TAFA2: variants seen among roughly 807,000 people sequenced by gnomAD.
TAFA2 encodes chemokine-like protein TAFA-2.
A neutral mutation model predicts 18.8 loss-of-function variants in TAFA2; 7 were observed. That is an observed-to-expected ratio of 0.37 (90% confidence interval 0.21 to 0.70). The LOEUF is 0.70. Among genes scored for constraint, TAFA2 ranks in the 30% least tolerant of loss-of-function variants. The pLI is 0.53. For missense variants in TAFA2, 122 were observed against 158.1 expected (o/e 0.77, Z 1.23); for synonymous variants, 60 against 54.2 (o/e 1.11, Z -0.47).
chr12:61,906,676 G>T (rs1169087078), intron 1 of TAFA2, among the ~76,000 whole-genome samples: 2 of 152,204 alleles, frequency 1.3e-5, no homozygotes, highest in Non-Finnish European at 2.9e-5. Context: ...AGGCCCAGAA[G>T]CCAGGAAGAT....
intron 1 of TAFA2, among the ~76,000 whole-genome samples, chr12:61,899,942 C>A (rs887111576): frequency 6.6e-6 from 1 of 152,150 alleles, no homozygotes; most frequent in South Asian, 2.1e-4. Context: ...ATAGCAGACA[C>A]CTGAGCATCT....
intron 2 of TAFA2, among the ~76,000 whole-genome samples, chr12:61,836,732 G>GATATATATGTGTATATATATATAT (rs58543429): frequency 8.9e-6 from 1 of 112,788 alleles, no homozygotes; most frequent in Admixed American, 9.8e-5. Flanking sequence ...TTGCCAATTT[G>GATATATATGTGTATATATATATAT]ATATATATAT....
chr12:61,950,853 A>C (rs974318255), intron 1 of TAFA2, among the ~76,000 whole-genome samples: 1 of 152,138 alleles, frequency 6.6e-6, no homozygotes, highest in African/African-American at 2.4e-5. Context: ...AAAAGCAAAA[A>C]ATAAATAAAT....
At chr12:61,898,182 C>A (rs1254157867) in intron 1 of TAFA2, among the ~76,000 whole-genome samples, 1 of 152,226 alleles carries the variant, frequency 6.6e-6, no homozygotes, top group Non-Finnish European at 1.5e-5. Context: ...TTGCAGGGTA[C>A]AGCCCCACCC....
rs141185790 is a variant in TAFA2 at position 61,843,900 on chromosome 12, G to A, written c.106+23420C>T. On this transcript the variant is annotated intron_variant, in intron 2 of 4. Transcript: ENST00000416284. ...AAAGGGGAGTCATGCATTTATTAGG[G>A]CTTAGAGCACATAGCTTCCAAGTGT... is the stretch of plus-strand genomic sequence containing the variant. Among the ~76,000 whole-genome samples, 433 of 152,220 alleles carry A rather than the reference G, an allele frequency of 2.8e-3. 1 individual carries two copies. Among genetic ancestry groups the A allele is most frequent in the Non-Finnish European group, 3.1e-3 (210 of 67,994 alleles).
At chr12:61,836,756 T>TATATATATATATATATATACACACAC (rs68158949) in intron 2 of TAFA2, among the ~76,000 whole-genome samples, 10 of 119,846 alleles carry the variant, frequency 8.3e-5, no homozygotes, top group African/African-American at 2.5e-4. Flanking sequence ...TATATATATA[T>TATATATATATATATATATACACACAC]ACACACACAC....
intron 1 of TAFA2, among the ~76,000 whole-genome samples, chr12:62,035,794 T>G (rs1383267467): frequency 3.1e-5 from 4 of 130,056 alleles, no homozygotes; most frequent in Non-Finnish European, 4.6e-5. Flanking sequence ...CAGGCTGGAG[T>G]GCAGTGGCGC....
At chr12:61,835,110 T>C (rs1053460407) in intron 2 of TAFA2, among the ~76,000 whole-genome samples, 1 of 152,002 alleles carries the variant, frequency 6.6e-6, no homozygotes, top group African/African-American at 2.4e-5. Flanking sequence ...AACATTTCGA[T>C]TTTAAACTTT....
intron 1 of TAFA2, among the ~76,000 whole-genome samples, chr12:61,907,279 C>T (rs183188456): frequency 6.6e-6 from 1 of 152,170 alleles, no homozygotes; most frequent in Admixed American, 6.5e-5. Context: ...GTGGGCTGGG[C>T]CCAGTGCCCT....
chr12:62,111,473 G>A (rs117619854), intron 1 of TAFA2, among the ~76,000 whole-genome samples: 5,132 of 152,212 alleles, frequency 0.034, 149 homozygotes, highest in Non-Finnish European at 0.043. Context: ...GTTGATTTGC[G>A]GTGGAGATTT....
chr12:61,884,988 A>G (rs1465615306), intron 1 of TAFA2, among the ~76,000 whole-genome samples: 1 of 151,786 alleles, frequency 6.6e-6, no homozygotes, highest in Non-Finnish European at 1.5e-5. Context: ...CTTGCTAAAT[A>G]AACTTCTTTG....
In TAFA2 at chr12:62,235,433, T is replaced by C. The variant is rs533413594; in HGVS notation, c.-130+23330A>G. On this transcript the variant is annotated intron_variant, in intron 1 of 5. Transcript: ENST00000551619. Reference sequence around the variant, plus strand: ...CAAGATGGGTGCTGAGTTCTACTTATCCTGGGCAGCCTGGTGCGCCGCCTG... The same window carrying C: ...CAAGATGGGTGCTGAGTTCTACTTACCCTGGGCAGCCTGGTGCGCCGCCTG... 1.5e-4 allele frequency: 95 copies of C among 648,648 alleles called. No individual in the cohort carries two copies. The South Asian group carries it at 1.7e-3, about 12-fold the overall frequency. The allele number at this position is 648,648 out of a possible 1,614,324, so 40.2% of individuals were successfully genotyped here. A position where few individuals can be genotyped will look rare whatever the true frequency, so the allele number is the denominator to read the frequency against.
intron 1 of TAFA2, among the ~76,000 whole-genome samples, chr12:62,181,807 T>C (rs2062553334): frequency 6.6e-6 from 1 of 152,204 alleles, no homozygotes; most frequent in African/African-American, 2.4e-5. Context: ...CCTTCTAATA[T>C]ATGAAGATAA....
chr12:61,998,665 G>A lies in TAFA2; in HGVS notation c.-1-131239C>T, dbSNP rs910481617. 3.3e-5 allele frequency among the ~76,000 whole-genome samples: 5 copies of A among 152,312 alleles called. 1 individual carries two copies. In the Middle Eastern group the frequency reaches 0.014, roughly 414 times the overall value. ...GCTGGAAGCCAGAATTTAAAGCCAT[G>A]AAGTCTGGCTCCATACTCTCAACCA... On this transcript the variant is annotated intron_variant, in intron 1 of 4. Transcript: ENST00000416284.
chr12:61,852,597 G>A (rs1163159035), intron 2 of TAFA2, among the ~76,000 whole-genome samples: 2 of 152,122 alleles, frequency 1.3e-5, no homozygotes, highest in Non-Finnish European at 2.9e-5. Flanking sequence ...CACATGTTTG[G>A]TGCCTGTCAA....
chr12:61,966,566 ATTG>A (rs1466671646), intron 1 of TAFA2, among the ~76,000 whole-genome samples: 2 of 151,876 alleles, frequency 1.3e-5, no homozygotes, highest in Admixed American at 6.6e-5. Flanking sequence ...ATTTTCTGTT[ATTG>A]TTGTTGTTTT....
At chr12:61,986,158 C>CT (rs551223452) in intron 1 of TAFA2, among the ~76,000 whole-genome samples, 7,003 of 65,770 alleles carry the variant, frequency 0.11, 2,449 homozygotes, top group Non-Finnish European at 0.12. Flanking sequence ...CTAAGCTCTT[C>CT]TTTTTTTTTT....
intron 1 of TAFA2, among the ~76,000 whole-genome samples, chr12:61,922,767 A>T (rs1007918839): frequency 1.3e-5 from 2 of 152,148 alleles, no homozygotes; most frequent in Admixed American, 6.5e-5. Flanking sequence ...TCCCATGGAA[A>T]GGGAGATGAA....
chr12:62,250,700 T>C (rs974536266), intron 1 of TAFA2, among the ~76,000 whole-genome samples: 1 of 152,228 alleles, frequency 6.6e-6, no homozygotes, highest in Non-Finnish European at 1.5e-5. Flanking sequence ...TGTTCTTCCA[T>C]ATTTTCATGC....
Sources: gnomAD v4.1 joint callset for allele counts (sites outside exome capture counted in the v4.1 genomes callset) on GRCh38, gnomAD v4.1.1 for gene constraint, MANE v1.5 for transcripts, NCBI Gene and HGNC (gene_info 2026-07-23, HGNC 2026-07-21) for gene names.